ERC1: variants seen among roughly 807,000 people sequenced by gnomAD.
The protein encoded by ERC1 is ELKS/RAB6-interacting/CAST family member 1, also known as RAB6 interacting protein 2.
ERC1 carries 56 observed loss-of-function variants against 132.0 expected under a neutral mutation model. That is an observed-to-expected ratio of 0.42 (90% CI 0.34 to 0.53). The LOEUF (loss-of-function observed/expected upper bound fraction) is 0.53, where lower values mean the gene tolerates loss of function less well. Among genes scored for constraint, ERC1 ranks in the 20% least tolerant of loss-of-function variants. The pLI, the probability that ERC1 is intolerant of heterozygous loss-of-function variation, is 0.03. For synonymous variants in ERC1, 478 were observed against 476.1 expected (o/e 1.00, Z -0.05); for missense variants, 1,202 against 1,349.9 (o/e 0.89, Z 1.72).
At chr12:1,126,510 A>G (rs1018848681) in intron 7 of ERC1, among the ~76,000 whole-genome samples, 2 of 152,214 alleles carry the variant, frequency 1.3e-5, no homozygotes, top group Non-Finnish European at 2.9e-5. Context: ...TTAAAGAGAA[A>G]CTATAAAGCT....
chr12:1,305,198 G>A (rs1313054371), intron 15 of ERC1, among the ~76,000 whole-genome samples: 1 of 151,998 alleles, frequency 6.6e-6, no homozygotes, highest in African/African-American at 2.4e-5. Context: ...TCTCTCTCTG[G>A]GGACTTAGTA....
intron 18 of ERC1, among the ~76,000 whole-genome samples, chr12:1,479,418 C>G (rs2094041411): frequency 6.6e-6 from 1 of 152,144 alleles, no homozygotes; most frequent in Admixed American, 6.6e-5. Context: ...CATGTTTATT[C>G]CTCCATTTAA....
intron 2 of ERC1, among the ~76,000 whole-genome samples, chr12:1,034,417 T>C (rs551016559): frequency 5.3e-5 from 8 of 151,826 alleles, no homozygotes; most frequent in Admixed American, 1.3e-4. Flanking sequence ...CTCTTAAAAA[T>C]AAATAAAAAA....
intron 18 of ERC1, among the ~76,000 whole-genome samples, chr12:1,461,460 G>A (rs961029294): frequency 4.6e-5 from 7 of 152,114 alleles, no homozygotes; most frequent in African/African-American, 1.7e-4. Flanking sequence ...CTGAGGTCAG[G>A]ATTTCGAGAC....
intron 1 of ERC1, among the ~76,000 whole-genome samples, chr12:1,004,834 GTGTGTGTGTGTGTGTA>G (rs780011130): frequency 0.03 from 4,169 of 141,316 alleles, 87 homozygotes; most frequent in South Asian, 0.092. Context: ...GTGTGTGTGT[GTGTGTGTGTGTGTGTA>G]TAAATTTTTT....
intron 17 of ERC1, among the ~76,000 whole-genome samples, chr12:1,433,813 G>A (rs73597965): frequency 0.088 from 13,393 of 152,080 alleles, 814 homozygotes; most frequent in African/African-American, 0.17. Context: ...ATTGTATGTT[G>A]TGTATATTTG....
rs772925829 is a variant in ERC1, at chr12:1,444,681, A to G, written c.3144A>G (p.Pro1048=). 3.7e-6 allele frequency: 6 copies of G among 1,614,072 alleles called. No homozygotes were observed. The highest frequency in any genetic ancestry group is 5.1e-6 in the Non-Finnish European group (6 of 1,180,042). The stretch of plus-strand genomic sequence containing the variant: ...TGATCCTCCGTGGACTCACTCCACC[A>G]GCTTCCTATAACTTGGACGATGACC... ...DPLILRGLTP[P]ASYNLDDDQA... The change falls in exon 18 of 19, where the codon CCA becomes CCG. Residue 1048 remains proline, a synonymous_variant. Transcript: ENST00000360905.
chr12:1,309,811 G>A lies in ERC1; in HGVS notation c.2780+19799G>A, dbSNP rs537400876. ...TCGAGAGACTGACGACTTTAAAATG[G>A]CCTTCACCATTTCCTGTCTGTGTGA... On this transcript the variant is annotated intron_variant, in intron 15 of 18. Coordinates refer to ENST00000360905, the MANE Select transcript of ERC1 (RefSeq NM_178040.4). Among the ~76,000 whole-genome samples the A allele has an allele frequency of 9.9e-5, 15 of 151,502 alleles. No individual in the cohort carries two copies. In the East Asian group the frequency reaches 2.3e-3, roughly 23 times the overall value.
intron 18 of ERC1, among the ~76,000 whole-genome samples, chr12:1,454,332 C>G (rs2093486154): frequency 6.6e-6 from 1 of 152,144 alleles, no homozygotes; most frequent in Non-Finnish European, 1.5e-5. Flanking sequence ...AATGGGTAAA[C>G]ATGAGTAAAG....
intron 2 of ERC1, among the ~76,000 whole-genome samples, chr12:1,072,419 T>C (rs1940558678): frequency 6.6e-6 from 1 of 152,168 alleles, no homozygotes; most frequent in Admixed American, 6.5e-5. Flanking sequence ...ACTACCTACA[T>C]TGATTGCCTT....
chr12:1,408,643 T>C (rs1025925325), intron 17 of ERC1, among the ~76,000 whole-genome samples: 1 of 152,224 alleles, frequency 6.6e-6, no homozygotes, highest in Non-Finnish European at 1.5e-5. Flanking sequence ...GAGGCACAGT[T>C]TGGAGGTTAT....
At chr12:1,284,498 G>A (rs1271631704) in intron 14 of ERC1, among the ~76,000 whole-genome samples, 2 of 152,078 alleles carry the variant, frequency 1.3e-5, no homozygotes, top group East Asian at 1.9e-4. Flanking sequence ...ATTTTTAGTT[G>A]TTTAAGGAAA....
chr12:1,079,216 T>C (rs1227231458), intron 2 of ERC1, among the ~76,000 whole-genome samples: 5 of 149,918 alleles, frequency 3.3e-5, no homozygotes, highest in South Asian at 2.1e-4. Flanking sequence ...GAGATACAGA[T>C]AGAAATGATT....
At chr12:1,104,159 A>AT (rs1565973143) in intron 3 of ERC1, among the ~76,000 whole-genome samples, 1 of 150,952 alleles carries the variant, frequency 6.6e-6, no homozygotes, top group Non-Finnish European at 1.5e-5. Context: ...TTTTTCTGAC[A>AT]TTTTCTGAAC....
At chr12:1,067,531 A>T (rs1157662494) in intron 2 of ERC1, among the ~76,000 whole-genome samples, 1 of 152,216 alleles carries the variant, frequency 6.6e-6, no homozygotes, top group East Asian at 1.9e-4. Context: ...GAAATTGCTG[A>T]TGGAAGTGGA....
At chr12:1,030,084 T>G (rs899241710) in intron 2 of ERC1, among the ~76,000 whole-genome samples, 1 of 152,150 alleles carries the variant, frequency 6.6e-6, no homozygotes, top group African/African-American at 2.4e-5. Context: ...ATTTTTCTCT[T>G]TTCACATTTT....
rs117286600 is a variant in ERC1, at chr12:1,396,698, G to A, written c.2926-11451G>A. On this transcript the variant is annotated intron_variant, in intron 16 of 18. Coordinates refer to ENST00000360905, the MANE Select transcript of ERC1 (RefSeq NM_178040.4). ...AGAGGGGGCTGAAAGATAAAGATGA[G>A]GTGTGTGAGCCTATGCAGCAGCTGC... is the stretch of plus-strand genomic sequence containing the variant. Among the ~76,000 whole-genome samples, 65 of 152,212 alleles carry A rather than the reference G, an allele frequency of 4.3e-4. 1 individual carries two copies. Among genetic ancestry groups the A allele is most frequent in the Non-Finnish European group, 7.8e-4 (53 of 68,022 alleles).
chr12:1,356,412 C>A (rs937942234), intron 15 of ERC1, among the ~76,000 whole-genome samples: 2 of 151,854 alleles, frequency 1.3e-5, no homozygotes, highest in East Asian at 3.9e-4. Flanking sequence ...TAATAAAATT[C>A]TAAAACTTGC....
At chr12:1,223,277 A>G (rs901348081) in intron 12 of ERC1, among the ~76,000 whole-genome samples, 2 of 152,224 alleles carry the variant, frequency 1.3e-5, no homozygotes, top group East Asian at 3.8e-4. Flanking sequence ...GTTGTGATCT[A>G]ATAGATTTAC....
Sources: allele counts gnomAD v4.1 joint callset (sites outside exome capture counted in the v4.1 genomes callset), GRCh38; gene constraint gnomAD v4.1.1; transcripts MANE v1.5; gene names NCBI Gene and HGNC (gene_info 2026-07-23, HGNC 2026-07-21).